Variants in APOA2 observed in about 807,000 individuals in gnomAD.
The protein encoded by APOA2 is apolipoprotein A2.
Under a neutral mutation model 7.4 loss-of-function variants are expected in APOA2, and 3 were observed. That is an observed-to-expected ratio of 0.41 (90% CI 0.18 to 1.05). APOA2 has a LOEUF of 1.05. APOA2 is among the 50% of genes least tolerant of loss of function. APOA2 has a pLI of 0.33. For missense variants in APOA2, 90 were observed against 116.3 expected, an observed-to-expected ratio of 0.77 and a Z score of 1.04; for synonymous variants, 42 against 47.8, an observed-to-expected ratio of 0.88 and a Z score of 0.50.
intron 3 of APOA2, 44 bp from the exon 4 acceptor site, chr1:161,222,566 G>A (rs750382331): frequency 6.5e-7 from 1 of 1,542,758 alleles, no homozygotes; most frequent in Non-Finnish European, 9.0e-7. Flanking sequence ...GGGACCCTAG[G>A]CACTGGCAGG....
Position 161,223,092 on chromosome 1 carries a change from C to T in APOA2, c.53-42G>A, listed in dbSNP as rs1558092127. The T allele has an allele frequency of 3.4e-6, 5 of 1,450,430 alleles. No individual in the cohort carries two copies. The East Asian group carries it at 7.6e-5, about 22-fold the overall frequency. 89.8% of individuals were successfully genotyped at this position (1,450,430 alleles called of 1,614,324 possible). A position where few individuals can be genotyped will look rare whatever the true frequency, so the allele number is the denominator to read the frequency against. On this transcript the variant is annotated intron_variant, in intron 2 of 3. Coordinates refer to ENST00000367990, the MANE Select transcript of APOA2 (RefSeq NM_001643.2). The stretch of plus-strand genomic sequence containing the variant: ...ACACACACACACACACACACACACA[C>T]ACTCTTTTCAGCTGGGTCCACAGCA...
chr1:161,223,429 G>A lies in APOA2; in HGVS notation c.-24-4C>T. ...TGGTAACAGTGGGGAGGGCGGCCTA[G>A]GAAGAGGGTGGTGGGGGTTTGGGGG... On this transcript the variant is annotated splice_region_variant and splice_polypyrimidine_tract_variant and intron_variant, in intron 1 of 3. Transcript: ENST00000367990. 6.2e-7 allele frequency: 1 copy of A among 1,608,244 alleles called. No individual in the cohort carries two copies. The highest frequency in any genetic ancestry group is 2.2e-5 in the East Asian group (1 of 44,800).
chr1:161,222,771 T>C (rs982048084), intron 3 of APOA2, 147 bp downstream of exon 3: 7 of 1,216,114 alleles, frequency 5.8e-6, no homozygotes, highest in East Asian at 2.3e-5. Flanking sequence ...TGTGGGATCT[T>C]TGGGTGATGA....
chr1:161,222,610 G>T, intron 3 of APOA2, 88 bp from the exon 4 acceptor site: 1 of 1,223,194 alleles, frequency 8.2e-7, no homozygotes, highest in Non-Finnish European at 1.2e-6. Context: ...AGAGCAGACT[G>T]ACTCAGGTCC....
At chr1:161,222,725 GC>G (rs1666191342) in intron 3 of APOA2, among the ~76,000 whole-genome samples, 192 bp downstream of exon 3, 1 of 152,166 alleles carries the variant, frequency 6.6e-6, no homozygotes, top group Admixed American at 6.5e-5. Context: ...GAAATTCAAG[GC>G]CCAGTTCTTG....
At chr1:161,222,621 C>T (rs1464083661) in intron 3 of APOA2, 99 bp from the exon 4 acceptor site, 1 of 1,137,870 alleles carries the variant, frequency 8.8e-7, no homozygotes, top group Non-Finnish European at 1.3e-6. Flanking sequence ...ACTCAGGTCC[C>T]CAAACTCTAG....
chr1:161,222,592 G>C, intron 3 of APOA2, 70 bp from the exon 4 acceptor site: 2 of 1,395,902 alleles, frequency 1.4e-6, no homozygotes, highest in South Asian at 2.3e-5. Flanking sequence ...TGGTGGTGGT[G>C]GGAGGTCAGA....
rs1006991518 is a variant in APOA2, at chr1:161,222,399, G to A, written c.*6C>T. ...GCTGGGGTTGGAAGACAATGGTCTG[G>A]ACACTTCACTGGGTGGCAGGCTGTG... On this transcript the variant is annotated 3_prime_UTR_variant, in exon 4 of 4. Transcript: ENST00000367990. The A allele has an allele frequency of 3.1e-6, 5 of 1,612,682 alleles. No homozygotes were observed. In the African/African-American group the frequency reaches 6.7e-5, roughly 22 times the overall value.
At chr1:161,223,261 C>G in intron 2 of APOA2, 89 bp downstream of exon 2, 2 of 1,581,102 alleles carry the variant, frequency 1.3e-6, no homozygotes, top group South Asian at 2.3e-5. Flanking sequence ...CCTTTGGTTG[C>G]CAGACCTGGA....
At chr1:161,223,275 AAG>A (rs1202567602) in intron 2 of APOA2, 73 bp downstream of exon 2, 1 of 1,593,020 alleles carries the variant, frequency 6.3e-7, no homozygotes, top group Admixed American at 1.7e-5. Context: ...ACCTGGATAT[AAG>A]AGCACAGGCA....
chr1:161,223,435 GGGT>G lies in APOA2; in HGVS notation c.-24-13_-24-11del. On this transcript the variant is annotated splice_polypyrimidine_tract_variant and intron_variant, in intron 1 of 3. Coordinates refer to ENST00000367990, the MANE Select transcript of APOA2 (RefSeq NM_001643.2). ...CAGTGGGGAGGGCGGCCTAGGAAGA[GGGT>G]GGTGGGGGTTTGGGGGACACTGAAG... 1 of 1,604,896 alleles carries G rather than the reference GGGT, an allele frequency of 6.2e-7. No homozygotes were observed.
In APOA2 at chr1:161,223,068, C is replaced by CAT. The variant is rs759773590; in HGVS notation, c.53-19_53-18insAT. On this transcript the variant is annotated intron_variant, in intron 2 of 3. Transcript: ENST00000367990. ...CAAAGCTCCTGCCCACACACACACA[C>CAT]ACACACACACACACACACACACACA... is the stretch of plus-strand genomic sequence containing the variant. 107 of 1,133,152 alleles carry CAT rather than the reference C, an allele frequency of 9.4e-5. 1 individual carries two copies. In the African/African-American group the frequency reaches 1.7e-3, roughly 18 times the overall value. 70.2% of individuals were successfully genotyped at this position (1,133,152 alleles called of 1,614,324 possible).
At position 161,223,357 on chromosome 1, in the gene APOA2, G is replaced by T; in HGVS notation, c.45C>A (p.Ser15Arg). The change falls in exon 2 of 4, where the codon AGC becomes AGA. Residue 15 changes from serine to arginine, a missense_variant. By Grantham distance (110) the Ser-to-Arg change is moderately radical. Coordinates refer to ENST00000367990, the MANE Select transcript of APOA2 (RefSeq NM_001643.2). ...TCTCCATATCACACCCACCTTCAAG[G>T]CTGCAGATGGTGAGGAGTAGCACAG... ...AATVLLLTICSLEGALVRRQA... is the reference protein window; with the variant it reads ...AATVLLLTICRLEGALVRRQA... 6.2e-7 allele frequency: 1 copy of T among 1,613,984 alleles called. No homozygotes were observed.
Position 161,223,425 on chromosome 1 carries a change from C to A in APOA2, c.-24G>T. ...ATGTTGGTAACAGTGGGGAGGGCGG[C>A]CTAGGAAGAGGGTGGTGGGGGTTTG... On this transcript the variant is annotated splice_region_variant and 5_prime_UTR_variant, in exon 2 of 4. Coordinates refer to ENST00000367990, the MANE Select transcript of APOA2 (RefSeq NM_001643.2). The A allele has an allele frequency of 6.2e-7, 1 of 1,610,300 alleles. No homozygotes were observed. The highest frequency in any genetic ancestry group is 8.5e-7 in the Non-Finnish European group (1 of 1,178,182).
Position 161,223,328 on chromosome 1 carries a change from C to T in APOA2, c.52+22G>A, listed in dbSNP as rs755246981. 13 of 1,613,458 alleles carry T rather than the reference C, an allele frequency of 8.1e-6. No homozygotes were observed. In the East Asian group the frequency reaches 1.3e-4, roughly 17 times the overall value. On this transcript the variant is annotated intron_variant, in intron 2 of 3. Transcript: ENST00000367990. ...CCACCAGCACATTCTCCCTTTTGGC[C>T]CCCTCTCCATATCACACCCACCTTC...
chr1:161,222,625 ACT>A (rs1666189488), intron 3 of APOA2, 103 bp from the exon 4 acceptor site: 2 of 1,097,220 alleles, frequency 1.8e-6, no homozygotes, highest in South Asian at 2.5e-5. Context: ...AGGTCCCCAA[ACT>A]CTAGTGCCTG....
intron 1 of APOA2, 77 bp from the exon 2 acceptor site, chr1:161,223,502 C>T (rs772965415): frequency 8.1e-7 from 1 of 1,236,932 alleles, no homozygotes; most frequent in Non-Finnish European, 1.2e-6. Flanking sequence ...ATCTCCCTAC[C>T]TGCTGCCCAT....
At chr1:161,222,868 C>T in intron 3 of APOA2, 50 bp downstream of exon 3, 1 of 1,614,128 alleles carries the variant, frequency 6.2e-7, no homozygotes, top group Non-Finnish European at 8.5e-7. Flanking sequence ...ATCTTCCCTT[C>T]TTTCTCTCCA....
intron 1 of APOA2, 21 bp from the exon 2 acceptor site, chr1:161,223,446 G>T (rs1383293319): frequency 8.1e-6 from 13 of 1,596,184 alleles, no homozygotes; most frequent in Non-Finnish European, 1.0e-5. Flanking sequence ...GGTGGTGGGG[G>T]TTTGGGGGAC....
Sources: allele counts gnomAD v4.1 joint callset (sites outside exome capture counted in the v4.1 genomes callset), GRCh38; gene constraint gnomAD v4.1.1; transcripts MANE v1.5; gene names NCBI Gene and HGNC (gene_info 2026-07-23, HGNC 2026-07-21).